DPH6: variants seen among roughly 807,000 people sequenced by gnomAD.
DPH6 encodes the protein diphthine--ammonia ligase.
In DPH6, 33 loss-of-function variants were observed where a neutral mutation model predicts 38.2. The observed-to-expected ratio is 0.86, with a 90% CI of 0.65 to 1.15. The LOEUF (loss-of-function observed/expected upper bound fraction) is 1.15, where lower values mean the gene tolerates loss of function less well. Among genes scored for constraint, DPH6 ranks in the 50% most tolerant of loss-of-function variants. The pLI is 0.00. For synonymous variants in DPH6, 108 were observed against 103.0 expected (o/e 1.05, Z -0.30); for missense variants, 325 against 320.0 (o/e 1.02, Z -0.12).
intron 4 of DPH6, 36 bp downstream of exon 4, chr15:35,454,711 T>C (rs778203356): frequency 3.3e-6 from 5 of 1,518,624 alleles, no homozygotes; most frequent in Non-Finnish European, 2.7e-6. Context: ...TTAAAACACA[T>C]ACACTTTTAA....
intron 3 of DPH6, among the ~76,000 whole-genome samples, chr15:35,495,410 A>G (rs1026969248): frequency 1.3e-5 from 2 of 152,196 alleles, no homozygotes; most frequent in Non-Finnish European, 2.9e-5. Flanking sequence ...TGGACGCTCC[A>G]GAAGTGTGAG....
chr15:35,384,577 C>T (rs1044004229), intron 6 of DPH6, among the ~76,000 whole-genome samples: 1 of 152,058 alleles, frequency 6.6e-6, no homozygotes, highest in African/African-American at 2.4e-5. Flanking sequence ...GCAGGAGAAT[C>T]GCTTGAACCC....
intron 3 of DPH6, among the ~76,000 whole-genome samples, chr15:35,473,844 C>T (rs904036639): frequency 6.6e-6 from 1 of 151,662 alleles, no homozygotes; most frequent in African/African-American, 2.4e-5. Flanking sequence ...TGAGAAAGCT[C>T]TTTACTAAAA....
At chr15:35,499,521 AG>A (rs1489997028) in intron 3 of DPH6, among the ~76,000 whole-genome samples, 1 of 152,188 alleles carries the variant, frequency 6.6e-6, no homozygotes, top group Admixed American at 6.5e-5. Context: ...GGAAAGGTTT[AG>A]GCATGAAATA....
chr15:35,442,743 T>C (rs2053803943), intron 5 of DPH6, among the ~76,000 whole-genome samples: 1 of 152,180 alleles, frequency 6.6e-6, no homozygotes, highest in Non-Finnish European at 1.5e-5. Context: ...AAAACATTAT[T>C]CTAAGTGAAA....
At chr15:35,184,719 T>C in the DPH6 span, among the ~76,000 whole-genome samples, 1 of 152,204 alleles carries the variant, frequency 6.6e-6, no homozygotes, top group African/African-American at 2.4e-5. Flanking sequence ...AATTAGAGCA[T>C]GCCCTTAGAA....
intron 3 of DPH6, among the ~76,000 whole-genome samples, chr15:35,262,705 C>CAAAAAAAAAAAAAAAAA (rs58580024): frequency 1.8e-4 from 15 of 82,628 alleles, no homozygotes; most frequent in African/African-American, 7.6e-4. Context: ...GACTCCGTCT[C>CAAAAAAAAAAAAAAAAA]AAAAAAAAAA....
Position 35,410,816 on chromosome 15 carries a change from A to T in DPH6, c.567+19T>A. The T allele has an allele frequency of 1.3e-6, 2 of 1,576,296 alleles. No homozygotes were observed. The highest frequency in any genetic ancestry group is 2.4e-5 in the South Asian group (2 of 83,870). On this transcript the variant is annotated intron_variant, in intron 6 of 8. Coordinates refer to ENST00000256538, the MANE Select transcript of DPH6 (RefSeq NM_080650.4). ...CTCCTTTAGATGGCTACATTTTGAG[A>T]TCTAGTATAAATTCTTACCTCTATG...
chr15:35,306,441 G>A (rs1232061639), intron 3 of DPH6, among the ~76,000 whole-genome samples: 2 of 152,130 alleles, frequency 1.3e-5, no homozygotes, highest in Non-Finnish European at 2.9e-5. Context: ...TTGAGTCATG[G>A]TGTTCTATCA....
chr15:35,404,768 G>T (rs1323302449), intron 6 of DPH6, among the ~76,000 whole-genome samples: 4 of 151,986 alleles, frequency 2.6e-5, no homozygotes, highest in Admixed American at 1.3e-4. Flanking sequence ...TTGCCTGGTT[G>T]GGGGGTGGTA....
intron 3 of DPH6, among the ~76,000 whole-genome samples, chr15:35,362,203 C>T (rs1288335490): frequency 6.6e-6 from 1 of 152,128 alleles, no homozygotes; most frequent in Non-Finnish European, 1.5e-5. Flanking sequence ...TTTCCAGTTT[C>T]CTTTTCAGAA....
At chr15:35,456,057 C>T (rs2053992209) in intron 3 of DPH6, among the ~76,000 whole-genome samples, 1 of 152,122 alleles carries the variant, frequency 6.6e-6, no homozygotes. Context: ...GCCCAAATCA[C>T]CCCAAAATAA....
the DPH6 span, among the ~76,000 whole-genome samples, chr15:35,209,062 C>T: frequency 1.2e-4 from 19 of 152,224 alleles, no homozygotes; most frequent in African/African-American, 3.6e-4. Flanking sequence ...CTACTGTGCA[C>T]GTGGTCTTTT....
chr15:35,242,055 G>A lies in DPH6; in HGVS notation n.201-21473C>T, dbSNP rs201812611. Reference sequence around the variant, plus strand: ...CTTTCTTTACTATTCCTTTGCACCCGTCATCCCAGCCTCTCTTCGCTTTCA... The same window carrying A: ...CTTTCTTTACTATTCCTTTGCACCCATCATCCCAGCCTCTCTTCGCTTTCA... On this transcript the variant is annotated intron_variant and non_coding_transcript_variant, in intron 3 of 3. Coordinates refer to the DPH6 transcript ENST00000560386. Among the ~76,000 whole-genome samples, 9 of 118,216 alleles carry A rather than the reference G, an allele frequency of 7.6e-5. 1 individual carries two copies. The highest frequency in any genetic ancestry group is 3.1e-4 in the South Asian group (1 of 3,200). The allele number at this position is 118,216 out of a possible 152,430, so 77.6% of individuals were successfully genotyped here. A position where few individuals can be genotyped will look rare whatever the true frequency, so the allele number is the denominator to read the frequency against.
intron 3 of DPH6, among the ~76,000 whole-genome samples, chr15:35,502,563 AAC>A (rs2054641104): frequency 6.6e-6 from 1 of 151,982 alleles, no homozygotes; most frequent in Non-Finnish European, 1.5e-5. Context: ...AATATATATT[AAC>A]ATGAACCAAG....
intron 6 of DPH6, among the ~76,000 whole-genome samples, chr15:35,384,390 T>A (rs1049665693): frequency 2.0e-5 from 3 of 152,202 alleles, no homozygotes; most frequent in Non-Finnish European, 4.4e-5. Context: ...CTTATACAGA[T>A]GTATTTAAAG....
chr15:35,213,984 C>T (rs1181015625), downstream of DPH6, among the ~76,000 whole-genome samples: 8 of 152,068 alleles, frequency 5.3e-5, no homozygotes, highest in Non-Finnish European at 7.4e-5. Context: ...TGGTGGCGGG[C>T]GCCTGTAGTC....
chr15:35,535,225 AC>A (rs2055151697), intron 3 of DPH6, among the ~76,000 whole-genome samples: 1 of 152,194 alleles, frequency 6.6e-6, no homozygotes. Flanking sequence ...AAAACAGGCC[AC>A]CTAAAAAGGA....
downstream of DPH6, among the ~76,000 whole-genome samples, chr15:35,369,423 T>G (rs2052690289): frequency 6.6e-6 from 1 of 151,772 alleles, no homozygotes; most frequent in African/African-American, 2.4e-5. Flanking sequence ...CTGACATTTT[T>G]GTTATCCAGC....
Sources: allele counts gnomAD v4.1 joint callset (sites outside exome capture counted in the v4.1 genomes callset), GRCh38; gene constraint gnomAD v4.1.1; transcripts MANE v1.5; gene names NCBI Gene and HGNC (gene_info 2026-07-23, HGNC 2026-07-21).